NAV2: variants seen among roughly 807,000 people sequenced by gnomAD.
NAV2 encodes the protein neuron navigator 2.
A neutral mutation model predicts 223.2 loss-of-function variants in NAV2; 54 were observed. The observed-to-expected ratio is 0.24, with a 90% CI of 0.19 to 0.30. The LOEUF (loss-of-function observed/expected upper bound fraction) is 0.30, where lower values mean the gene tolerates loss of function less well. Among genes scored for constraint, NAV2 ranks in the 10% least tolerant of loss-of-function variants. The pLI, the probability that NAV2 is intolerant of heterozygous loss-of-function variation, is 1.00. For missense variants in NAV2, 2,806 were observed against 3,147.5 expected, an observed-to-expected ratio of 0.89 and a Z score of 2.60; for synonymous variants, 1,279 against 1,239.3, an observed-to-expected ratio of 1.03 and a Z score of -0.67.
intron 1 of NAV2, among the ~76,000 whole-genome samples, chr11:19,487,841 C>T (rs1415252172): frequency 1.2e-5 from 1 of 80,148 alleles, no homozygotes; most frequent in African/African-American, 3.5e-5. Context: ...ACCTTGATTT[C>T]AGCCTGTAAG....
intron 1 of NAV2, among the ~76,000 whole-genome samples, chr11:19,635,221 A>T (rs1011196486): frequency 8.5e-5 from 13 of 152,380 alleles, no homozygotes; most frequent in African/African-American, 2.9e-4. Context: ...CAGAGTGTAC[A>T]GGCGATATAT....
Position 19,799,088 on chromosome 11 carries a change from A to G in NAV2, c.268-33396A>G, listed in dbSNP as rs148675099. The stretch of plus-strand genomic sequence containing the variant: ...ACTTTATCTTGAGGATAATAGGATG[A>G]TATTGAAAGTCCTAACAGAAGAGTG... On this transcript the variant is annotated intron_variant, in intron 1 of 37. Coordinates refer to ENST00000349880, the MANE Select transcript of NAV2 (RefSeq NM_145117.5). Among the ~76,000 whole-genome samples, 301 of 152,282 alleles carry G rather than the reference A, an allele frequency of 2.0e-3. 1 individual carries two copies. Among genetic ancestry groups the G allele is most frequent in the Non-Finnish European group, 3.1e-3 (213 of 68,014 alleles).
chr11:20,056,671 C>A, intron 19 of NAV2: 2 of 1,327,184 alleles, frequency 1.5e-6, no homozygotes, highest in Non-Finnish European at 2.2e-6. Context: ...TCATCCCCAC[C>A]CCATGAAGAT....
At chr11:19,945,153 CTCCCTTCCCTTCCCT>C (rs755938941) in intron 8 of NAV2, among the ~76,000 whole-genome samples, 18,348 of 94,574 alleles carry the variant, frequency 0.19, 2,145 homozygotes, top group Middle Eastern at 0.38. Context: ...TTCTTTCTGT[CTCCCTTCCCTTCCCT>C]TCCCTTCCCT....
At chr11:19,885,608 C>T (rs1215668661) in intron 5 of NAV2, among the ~76,000 whole-genome samples, 5 of 152,144 alleles carry the variant, frequency 3.3e-5, no homozygotes, top group Non-Finnish European at 7.4e-5. Context: ...TGAATTTACT[C>T]TTGTTTAAAT....
intron 14 of NAV2, among the ~76,000 whole-genome samples, chr11:20,048,052 G>T (rs899982391): frequency 2.0e-5 from 3 of 152,200 alleles, no homozygotes; most frequent in Non-Finnish European, 4.4e-5. Flanking sequence ...ATTTCTGTGT[G>T]TCTGTCACAG....
chr11:19,862,071 C>G (rs1255577763), intron 3 of NAV2, among the ~76,000 whole-genome samples: 3 of 152,172 alleles, frequency 2.0e-5, no homozygotes, highest in Non-Finnish European at 2.9e-5. Flanking sequence ...ATTCTAGGCA[C>G]TTGGAAGCAA....
At position 19,998,039 on chromosome 11, in the gene NAV2, G is replaced by A. The variant is rs1428549063; in HGVS notation, c.2768+13792G>A. On this transcript the variant is annotated intron_variant, in intron 11 of 37. Transcript: ENST00000349880. The surrounding 1 kb of genome is among the most constrained non-coding windows in gnomAD (Gnocchi z 5.0). ...GGTCTCCCCCAAGACTGAGAGGAAGGAAGCAGAACAAAAGTGTGTTTTTCT... is the reference window on the plus strand; with the variant it reads ...GGTCTCCCCCAAGACTGAGAGGAAGAAAGCAGAACAAAAGTGTGTTTTTCT... Among the ~76,000 whole-genome samples the A allele has an allele frequency of 1.3e-5, 2 of 152,114 alleles. No individual in the cohort carries two copies. Among genetic ancestry groups the A allele is most frequent in the African/African-American group, 4.8e-5 (2 of 41,422 alleles).
At chr11:19,464,863 A>G (rs2133886668) in intron 1 of NAV2, among the ~76,000 whole-genome samples, 1 of 152,368 alleles carries the variant, frequency 6.6e-6, no homozygotes, top group South Asian at 2.1e-4. Context: ...TGCACTTTTC[A>G]GGGAGCATTT....
At chr11:20,028,879 T>C (rs2055386938) in intron 11 of NAV2, among the ~76,000 whole-genome samples, 1 of 152,314 alleles carries the variant, frequency 6.6e-6, no homozygotes, top group Admixed American at 6.5e-5. Context: ...GTAACGCCTC[T>C]ATACCAGAGT....
At chr11:19,650,758 T>G (rs963953096) in intron 1 of NAV2, among the ~76,000 whole-genome samples, 1 of 152,200 alleles carries the variant, frequency 6.6e-6, no homozygotes, top group East Asian at 1.9e-4. Context: ...GGAATGAACT[T>G]CTGACACGTG....
At chr11:19,752,585 T>C (rs1404891581) in intron 1 of NAV2, among the ~76,000 whole-genome samples, 4 of 152,204 alleles carry the variant, frequency 2.6e-5, no homozygotes, top group African/African-American at 9.7e-5. Flanking sequence ...GTGACCCATA[T>C]TTTTAAAAAC....
rs573682206 is a variant in NAV2 at position 19,378,837 on chromosome 11, C to G, written c.75+27810C>G. On this transcript the variant is annotated intron_variant, in intron 1 of 37. Transcript: ENST00000360655. Reference sequence around the variant, plus strand: ...GTCCACAAGGCAGGTCATGCACTGGCACCCCGCTCTGAGCTCCCTGAGGGC... The same window carrying G: ...GTCCACAAGGCAGGTCATGCACTGGGACCCCGCTCTGAGCTCCCTGAGGGC... 1.2e-3 allele frequency among the ~76,000 whole-genome samples: 177 copies of G among 152,222 alleles called. 2 individuals are homozygous for G. Among genetic ancestry groups the G allele is most frequent in the African/African-American group, 4.0e-3 (166 of 41,548 alleles).
chr11:20,013,303 C>T (rs909600891), intron 11 of NAV2, among the ~76,000 whole-genome samples: 4 of 152,188 alleles, frequency 2.6e-5, no homozygotes, highest in Non-Finnish European at 4.4e-5. Flanking sequence ...TTTGTAAGTA[C>T]TTTCTGTGTG....
intron 16 of NAV2, 86 bp downstream of exon 16, chr11:20,049,987 G>T: frequency 1.5e-6 from 2 of 1,300,780 alleles, no homozygotes; most frequent in Middle Eastern, 2.0e-4. Flanking sequence ...GTGCGAGGCT[G>T]TTGGCCTAAG....
intron 1 of NAV2, among the ~76,000 whole-genome samples, chr11:19,524,817 C>A (rs115696128): frequency 0.014 from 2,111 of 152,290 alleles, 43 homozygotes; most frequent in African/African-American, 0.049. Context: ...CCTGCTAATT[C>A]TTTACAAGCT....
At chr11:19,570,238 G>A (rs1423498133) in intron 1 of NAV2, among the ~76,000 whole-genome samples, 1 of 152,176 alleles carries the variant, frequency 6.6e-6, no homozygotes, top group Non-Finnish European at 1.5e-5. Context: ...TGTGTCATTA[G>A]GCAGGTAACT....
intron 1 of NAV2, among the ~76,000 whole-genome samples, chr11:19,646,208 A>G (rs2047812514): frequency 6.6e-6 from 1 of 152,246 alleles, no homozygotes; most frequent in African/African-American, 2.4e-5. Context: ...AGCAAATGCC[A>G]GAAAACCAGA....
At chr11:19,557,458 C>G (rs1293684302) in intron 1 of NAV2, among the ~76,000 whole-genome samples, 1 of 152,240 alleles carries the variant, frequency 6.6e-6, no homozygotes, top group Non-Finnish European at 1.5e-5. Context: ...GTTTCTCCTG[C>G]TGAAGTACAT....
Sources: gnomAD v4.1 joint callset for allele counts (sites outside exome capture counted in the v4.1 genomes callset) on GRCh38, gnomAD v4.1.1 for gene constraint, Gnocchi (gnomAD v3.1) non-coding constraint, MANE v1.5 for transcripts, NCBI Gene and HGNC (gene_info 2026-07-23, HGNC 2026-07-21) for gene names.